GALNT13: variants seen among roughly 807,000 people sequenced by gnomAD.
GALNT13 encodes the protein UDP-GalNAc:polypeptide N-acetylgalactosaminyltransferase 13.
In GALNT13, 28 loss-of-function variants were observed where a neutral mutation model predicts 64.2. The ratio of observed to expected loss-of-function variants is 0.44; its 90% CI spans 0.32 to 0.60. GALNT13 has a LOEUF of 0.60. Among genes scored for constraint, GALNT13 ranks in the 20% least tolerant of loss-of-function variants. The pLI, the probability that GALNT13 is intolerant of heterozygous loss-of-function variation, is 0.05. For missense variants in GALNT13, 577 were observed against 669.8 expected (o/e 0.86, Z 1.53); for synonymous variants, 214 against 224.6 (o/e 0.95, Z 0.42).
At chr2:153,340,188 A>G in the GALNT13 span, among the ~76,000 whole-genome samples, 1 of 152,198 alleles carries the variant, frequency 6.6e-6, no homozygotes, top group Non-Finnish European at 1.5e-5. Flanking sequence ...TTTGGGTAGT[A>G]TAAACATTTT....
chr2:153,853,205 A>C, the GALNT13 span, among the ~76,000 whole-genome samples: 1 of 152,168 alleles, frequency 6.6e-6, no homozygotes, highest in African/African-American at 2.4e-5. Context: ...TGCCTGCTTT[A>C]TTCTAGACAT....
chr2:154,076,425 A>T (rs560088884), intron 3 of GALNT13, among the ~76,000 whole-genome samples: 30 of 151,732 alleles, frequency 2.0e-4, no homozygotes, highest in Non-Finnish European at 3.7e-4. Flanking sequence ...GACATAATCC[A>T]CATTTTGTAG....
At chr2:153,436,181 C>T in the GALNT13 span, among the ~76,000 whole-genome samples, 4 of 152,292 alleles carry the variant, frequency 2.6e-5, 1 homozygote. Context: ...ATGAAGCCCA[C>T]GTGATCATGG....
At chr2:154,377,301 C>G (rs1698044823) in intron 9 of GALNT13, among the ~76,000 whole-genome samples, 1 of 151,660 alleles carries the variant, frequency 6.6e-6, no homozygotes, top group African/African-American at 2.4e-5. Context: ...TTTTTGTGAC[C>G]AAGCTTTTTT....
intron 2 of GALNT13, among the ~76,000 whole-genome samples, chr2:153,942,785 C>T (rs890795169): frequency 6.6e-6 from 1 of 151,718 alleles, no homozygotes; most frequent in Non-Finnish European, 1.5e-5. Flanking sequence ...TTGTAACTGG[C>T]GCTTTATGTG....
chr2:154,073,232 T>A (rs1574453395), intron 3 of GALNT13, among the ~76,000 whole-genome samples: 1 of 70,192 alleles, frequency 1.4e-5, no homozygotes, highest in African/African-American at 4.0e-5. Context: ...GTGCGACTGT[T>A]TGAGTTGCAA....
intron 1 of GALNT13, among the ~76,000 whole-genome samples, chr2:153,894,825 A>G (rs1167975107): frequency 6.6e-6 from 1 of 152,144 alleles, no homozygotes; most frequent in Non-Finnish European, 1.5e-5. Context: ...AAGTTCATAT[A>G]TCTTTACTTC....
intron 3 of GALNT13, among the ~76,000 whole-genome samples, chr2:154,003,394 T>G (rs1037440655): frequency 1.3e-5 from 2 of 152,194 alleles, no homozygotes; most frequent in Admixed American, 1.3e-4. Flanking sequence ...CGTGGGCGTT[T>G]ACCAGCTGTG....
the GALNT13 span, among the ~76,000 whole-genome samples, chr2:153,389,239 T>G: frequency 6.6e-6 from 1 of 152,114 alleles, no homozygotes. Context: ...AGAGCTACAG[T>G]CCCCTGCTGA....
intron 3 of GALNT13, among the ~76,000 whole-genome samples, chr2:154,090,114 A>G (rs17194489): frequency 0.03 from 4,559 of 152,210 alleles, 92 homozygotes; most frequent in Non-Finnish European, 0.047. Context: ...TGAGTACATA[A>G]TATCATTGTG....
Position 153,911,611 on chromosome 2 carries a change from A to G in GALNT13, c.-105+10604A>G, listed in dbSNP as rs140695998. Reference sequence around the variant, plus strand: ...CTTATAAGCGAGTTTGGTGGTAATGATTTCCCTTAGCATTTGCCTGTCTGA... The same window carrying G: ...CTTATAAGCGAGTTTGGTGGTAATGGTTTCCCTTAGCATTTGCCTGTCTGA... On this transcript the variant is annotated intron_variant, in intron 2 of 12. Coordinates refer to ENST00000392825, the MANE Select transcript of GALNT13 (RefSeq NM_052917.4). Among the ~76,000 whole-genome samples, 409 of 151,930 alleles carry G rather than the reference A, an allele frequency of 2.7e-3. 1 individual carries two copies. Among genetic ancestry groups the G allele is most frequent in the Admixed American group, 6.4e-3 (97 of 15,226 alleles).
the GALNT13 span, among the ~76,000 whole-genome samples, chr2:153,322,261 G>A: frequency 6.6e-6 from 1 of 152,098 alleles, no homozygotes; most frequent in African/African-American, 2.4e-5. Context: ...AGAACATGAA[G>A]TATTTGGTTT....
At chr2:153,188,554 C>T in the GALNT13 span, among the ~76,000 whole-genome samples, 1 of 152,080 alleles carries the variant, frequency 6.6e-6, no homozygotes. Flanking sequence ...AACAACTACC[C>T]AATCAGACAC....
At chr2:153,946,136 T>C (rs1272123912) in intron 3 of GALNT13, among the ~76,000 whole-genome samples, 1 of 152,146 alleles carries the variant, frequency 6.6e-6, no homozygotes, top group Non-Finnish European at 1.5e-5. Flanking sequence ...CTTGGCTGAA[T>C]GTAGAAAAGT....
the GALNT13 span, among the ~76,000 whole-genome samples, chr2:153,126,243 A>G: frequency 6.8e-6 from 1 of 147,498 alleles, no homozygotes; most frequent in Non-Finnish European, 1.5e-5. Flanking sequence ...GAAGAATTGT[A>G]TTTGTACTAT....
the GALNT13 span, among the ~76,000 whole-genome samples, chr2:153,412,605 C>G: frequency 6.6e-6 from 1 of 152,166 alleles, no homozygotes; most frequent in Non-Finnish European, 1.5e-5. Flanking sequence ...TGAAAACTGT[C>G]AAGATCCTGT....
chr2:154,279,630 C>CT (rs1691849149), intron 8 of GALNT13, among the ~76,000 whole-genome samples: 1 of 152,118 alleles, frequency 6.6e-6, no homozygotes, highest in Non-Finnish European at 1.5e-5. Flanking sequence ...AGGAAATTAT[C>CT]TTTACTGGAC....
the GALNT13 span, among the ~76,000 whole-genome samples, chr2:153,196,999 G>A: frequency 1.3e-5 from 2 of 152,226 alleles, no homozygotes; most frequent in South Asian, 2.1e-4. Context: ...GGCTCTTGCT[G>A]TTGTTAACAG....
chr2:153,228,815 G>C, the GALNT13 span, among the ~76,000 whole-genome samples: 1 of 140,488 alleles, frequency 7.1e-6, no homozygotes, highest in Non-Finnish European at 1.5e-5. Flanking sequence ...GGAGGTTGCA[G>C]TGAGTCCAGA....
Sources: allele counts gnomAD v4.1 joint callset (sites outside exome capture counted in the v4.1 genomes callset), GRCh38; gene constraint gnomAD v4.1.1; transcripts MANE v1.5; gene names NCBI Gene and HGNC (gene_info 2026-07-23, HGNC 2026-07-21).